The following KRT8 variants were observed in gnomAD, a reference collection of about 807,000 sequenced individuals.
KRT8 encodes the protein keratin, type II cytoskeletal 8.
A neutral mutation model predicts 43.0 loss-of-function variants in KRT8; 24 were observed. That is an observed-to-expected ratio of 0.56 (90% CI 0.40 to 0.78). KRT8 has a LOEUF of 0.78. Among genes scored for constraint, KRT8 ranks in the 30% least tolerant of loss-of-function variants. The pLI is 0.00. For synonymous variants in KRT8, 214 were observed against 261.2 expected, an observed-to-expected ratio of 0.82 and a Z score of 1.74; for missense variants, 492 against 638.4, an observed-to-expected ratio of 0.77 and a Z score of 2.47.
chr12:52,916,492 T>C (rs114934037), intron 2 of KRT8, among the ~76,000 whole-genome samples: 121 of 152,276 alleles, frequency 7.9e-4, no homozygotes, highest in African/African-American at 2.8e-3. Flanking sequence ...GGGCTTACCA[T>C]CGTGTCATCC....
upstream of KRT8, among the ~76,000 whole-genome samples, chr12:52,908,449 A>G (rs1407166391): frequency 6.6e-6 from 1 of 152,224 alleles, no homozygotes; most frequent in Non-Finnish European, 1.5e-5. Flanking sequence ...TTAATGTGGC[A>G]TATCCATACG....
At chr12:52,949,642 T>TAATTG (rs1942438675) in intron 1 of KRT8, 1 of 1,471,022 alleles carries the variant, frequency 6.8e-7, no homozygotes, top group African/African-American at 1.4e-5. Context: ...CCTCCAATTA[T>TAATTG]ACACTCCTTT....
At chr12:52,919,902 C>A (rs1011806502) in intron 2 of KRT8, among the ~76,000 whole-genome samples, 1 of 152,088 alleles carries the variant, frequency 6.6e-6, no homozygotes, top group Non-Finnish European at 1.5e-5. Context: ...CCTGCCTTGG[C>A]CTCCCAAGGT....
intron 2 of KRT8, among the ~76,000 whole-genome samples, chr12:52,935,120 C>T (rs901201469): frequency 4.0e-5 from 6 of 151,494 alleles, no homozygotes; most frequent in African/African-American, 1.5e-4. Context: ...GTGGCTCATG[C>T]CCGTAATCCC....
upstream of KRT8, among the ~76,000 whole-genome samples, chr12:52,908,628 T>C (rs1941571352): frequency 6.6e-6 from 1 of 152,048 alleles, no homozygotes; most frequent in African/African-American, 2.4e-5. Context: ...AGGAAGTAGA[T>C]TAGTGGTTGC....
At chr12:52,923,471 G>A (rs1216093280) in intron 2 of KRT8, among the ~76,000 whole-genome samples, 1 of 152,198 alleles carries the variant, frequency 6.6e-6, no homozygotes, top group Admixed American at 6.5e-5. Context: ...CCAGGTTGGA[G>A]TACAGTGGCT....
At chr12:52,938,170 A>ATATATATATATATAT (rs1555189967) in intron 2 of KRT8, among the ~76,000 whole-genome samples, 36 of 30,246 alleles carry the variant, frequency 1.2e-3, no homozygotes, top group African/African-American at 1.6e-3. Flanking sequence ...ATATATATAT[A>ATATATATATATATAT]TTTTTTTTTT....
chr12:52,940,306 G>T (rs1592187385), intron 2 of KRT8, among the ~76,000 whole-genome samples: 1 of 152,012 alleles, frequency 6.6e-6, no homozygotes, highest in East Asian at 1.9e-4. Flanking sequence ...GGTAGCTCAT[G>T]CTTGTAGTCC....
At chr12:52,898,936 G>C (rs777544382) in intron 5 of KRT8, 37 bp from the exon 6 acceptor site, 2 of 1,591,910 alleles carry the variant, frequency 1.3e-6, no homozygotes, top group Non-Finnish European at 1.7e-6. Flanking sequence ...GTCAGGTTGG[G>C]TATGCCTTCT....
intron 2 of KRT8, among the ~76,000 whole-genome samples, chr12:52,934,612 C>G (rs79659007): frequency 6.6e-6 from 1 of 151,892 alleles, no homozygotes; most frequent in African/African-American, 2.4e-5. Flanking sequence ...GGAGAACTCC[C>G]ATTATCTGGT....
chr12:52,910,503 C>T (rs1354347763), upstream of KRT8, among the ~76,000 whole-genome samples: 2 of 152,214 alleles, frequency 1.3e-5, no homozygotes, highest in East Asian at 1.9e-4. Context: ...ACTCCACCAC[C>T]GTTGGCCAGG....
intron 2 of KRT8, among the ~76,000 whole-genome samples, chr12:52,918,159 A>G (rs970057247): frequency 9.4e-6 from 1 of 106,692 alleles, no homozygotes; most frequent in Non-Finnish European, 2.0e-5. Flanking sequence ...GAGAAGGGGA[A>G]GAAGAAGAAG....
At chr12:52,897,594 C>A (rs1065648) in exon 8 of KRT8, 4 of 1,598,138 alleles carry the variant, frequency 2.5e-6, no homozygotes, top group South Asian at 1.1e-5. Context: ...GCTTGTGAGG[C>A]CCCCATAGGC....
exon 1 of KRT8, chr12:52,904,918 T>G: frequency 6.2e-7 from 1 of 1,612,582 alleles, no homozygotes; most frequent in East Asian, 2.2e-5. Context: ...TAGGAGCGGC[T>G]GCTGAAGGCC....
chr12:52,902,795 T>A (rs1440011818), intron 1 of KRT8, among the ~76,000 whole-genome samples: 4 of 152,054 alleles, frequency 2.6e-5, no homozygotes, highest in African/African-American at 9.6e-5. Context: ...GCGGATTTCT[T>A]GAAGTCAGGA....
chr12:52,920,349 G>T (rs937193954), intron 2 of KRT8, among the ~76,000 whole-genome samples: 1 of 151,694 alleles, frequency 6.6e-6, no homozygotes, highest in Admixed American at 6.6e-5. Context: ...TGTAATCCCA[G>T]CACTTTGGGA....
intron 2 of KRT8, among the ~76,000 whole-genome samples, chr12:52,924,988 G>A (rs1457303469): frequency 6.6e-6 from 1 of 152,206 alleles, no homozygotes; most frequent in Non-Finnish European, 1.5e-5. Flanking sequence ...TGCGTCTGTG[G>A]AAAAGGAACA....
At chr12:52,949,226 C>T in intron 2 of KRT8, 2 of 1,611,634 alleles carry the variant, frequency 1.2e-6, no homozygotes, top group Non-Finnish European at 1.7e-6. Context: ...TCCCTGGGCT[C>T]TGTCCAGGCG....
At chr12:52,915,366 T>A (rs1359900378) in intron 2 of KRT8, among the ~76,000 whole-genome samples, 2 of 136,714 alleles carry the variant, frequency 1.5e-5, no homozygotes, top group Non-Finnish European at 3.1e-5. Flanking sequence ...AGAGCAAGAC[T>A]CCATCTCAAA....
Sources: allele counts gnomAD v4.1 joint callset (sites outside exome capture counted in the v4.1 genomes callset), GRCh38; gene constraint gnomAD v4.1.1; transcripts MANE v1.5; gene names NCBI Gene and HGNC (gene_info 2026-07-23, HGNC 2026-07-21).